The following MAP3K19 variants were observed in gnomAD, a reference collection of about 807,000 sequenced individuals.
MAP3K19 encodes mitogen-activated protein kinase kinase kinase 19, also known as SPS1/STE20-related protein kinase YSK4.
Under a neutral mutation model 114.4 loss-of-function variants are expected in MAP3K19, and 91 were observed. The ratio of observed to expected loss-of-function variants is 0.80; its 90% CI spans 0.67 to 0.95. The LOEUF is 0.95. MAP3K19 is among the 40% of genes least tolerant of loss of function. The pLI is 0.00. For missense variants in MAP3K19, 1,471 were observed against 1,573.2 expected (o/e 0.94, Z 1.10); for synonymous variants, 518 against 530.5 (o/e 0.98, Z 0.32).
intron 8 of MAP3K19, among the ~76,000 whole-genome samples, chr2:134,996,850 C>T (rs1199080412): frequency 1.3e-5 from 2 of 152,084 alleles, no homozygotes; most frequent in African/African-American, 4.8e-5. Flanking sequence ...GCCTGGGCAA[C>T]ATGGTGAAAC....
intron 8 of MAP3K19, among the ~76,000 whole-genome samples, chr2:134,992,162 C>G (rs1218702825): frequency 6.6e-6 from 1 of 152,218 alleles, no homozygotes; most frequent in Non-Finnish European, 1.5e-5. Flanking sequence ...GAGCAATACA[C>G]TAACTTCGGA....
At position 134,987,311 on chromosome 2, in the gene MAP3K19, G is replaced by A. The variant is rs764146279; in HGVS notation, c.1561C>T (p.Pro521Ser). The A allele has an allele frequency of 2.5e-6, 4 of 1,614,052 alleles. No individual in the cohort carries two copies. The highest frequency in any genetic ancestry group is 2.2e-5 in the South Asian group (2 of 91,070). ...TIHNNHSVNI[P>S]VHQENDKHKM... ...TGCTTGTCATTTTCTTGGTGTACAG[G>A]TATGTTGACACTATGGTTGTTATGA... The change falls in exon 10 of 13, where the codon CCT (proline) becomes TCT (serine). Residue 521 changes from proline (P) to serine (S), a missense_variant. Pro to Ser is a moderately conservative substitution (Grantham distance 74). Coordinates refer to ENST00000392915, the MANE Select transcript of MAP3K19 (RefSeq NM_025052.5).
chr2:135,021,649 A>T (rs908864695), intron 5 of MAP3K19, 66 bp downstream of exon 5: 3 of 843,712 alleles, frequency 3.6e-6, no homozygotes, highest in Non-Finnish European at 5.7e-6. Flanking sequence ...TGAAGTATTC[A>T]AGCAACACAA....
intron 3 of MAP3K19, among the ~76,000 whole-genome samples, chr2:135,027,917 T>C (rs1688296409): frequency 6.6e-6 from 1 of 152,198 alleles, no homozygotes; most frequent in African/African-American, 2.4e-5. Flanking sequence ...CCCTGACAGG[T>C]TGTATCAGGG....
chr2:135,000,080 G>T, intron 6 of MAP3K19, 65 bp from the exon 7 acceptor site: 1 of 1,076,128 alleles, frequency 9.3e-7, no homozygotes. Context: ...AGCGGGAGAC[G>T]TACTTTATTT....
chr2:135,026,687 C>G (rs1688265195), intron 3 of MAP3K19, among the ~76,000 whole-genome samples: 1 of 152,154 alleles, frequency 6.6e-6, no homozygotes, highest in South Asian at 2.1e-4. Flanking sequence ...CCTAAAAGAG[C>G]ATTTGACATA....
At chr2:135,015,186 C>T (rs909283329) in intron 5 of MAP3K19, among the ~76,000 whole-genome samples, 10 of 152,152 alleles carry the variant, frequency 6.6e-5, no homozygotes, top group Non-Finnish European at 1.5e-4. Context: ...TTCTTGTTGC[C>T]CTACATCCTT....
At chr2:134,970,733 G>A (rs2105148029) in intron 12 of MAP3K19, among the ~76,000 whole-genome samples, 1 of 151,962 alleles carries the variant, frequency 6.6e-6, no homozygotes, top group South Asian at 2.1e-4. Flanking sequence ...GAGTAGCTGG[G>A]ACTACAGGTG....
intron 12 of MAP3K19, 34 bp downstream of exon 12, chr2:134,980,787 A>T (rs1472802594): frequency 1.3e-6 from 2 of 1,584,782 alleles, no homozygotes; most frequent in South Asian, 2.2e-5. Context: ...ATCTCCGGGC[A>T]TTTATCTTCC....
At position 134,968,114 on chromosome 2, in the gene MAP3K19, G is replaced by T. The variant is rs186300487; in HGVS notation, c.3921-3198C>A. 0.036 allele frequency among the ~76,000 whole-genome samples: 5,449 copies of T among 152,114 alleles called. 487 individuals carry two copies. In the East Asian group the frequency reaches 0.4, roughly 11 times the overall value. On this transcript the variant is annotated intron_variant, in intron 12 of 12. Coordinates refer to ENST00000392915, the MANE Select transcript of MAP3K19 (RefSeq NM_025052.5). ...TGTTCAACAAAGCACATCTTGCACC[G>T]CCCCTAATCCATTTAACCCTGAGTG... is the stretch of plus-strand genomic sequence containing the variant.
chr2:135,015,190 C>T (rs942167663), intron 5 of MAP3K19, among the ~76,000 whole-genome samples: 7 of 152,238 alleles, frequency 4.6e-5, no homozygotes, highest in African/African-American at 1.7e-4. Context: ...TGTTGCCCTA[C>T]ATCCTTGTCA....
Position 134,973,665 on chromosome 2 carries a change from G to GTTTC in MAP3K19, c.3920+7152_3920+7155dup, listed in dbSNP as rs886813606. ...GGTTGGTTTGTTTGTTTGTTTGTTTGTTTCTTTCTTTCTTTCTCTCTTGTT... is the reference window on the plus strand; with the variant it reads ...GGTTGGTTTGTTTGTTTGTTTGTTTGTTTCTTTCTTTCTTTCTTTCTCTCTTGTT... On this transcript the variant is annotated intron_variant, in intron 12 of 12. Transcript: ENST00000392915. Among the ~76,000 whole-genome samples, 12 of 151,616 alleles carry GTTTC rather than the reference G, an allele frequency of 7.9e-5. No individual in the cohort carries two copies. The South Asian group carries it at 8.3e-4, about 11-fold the overall frequency.
chr2:134,991,496 G>A, intron 9 of MAP3K19, 41 bp downstream of exon 9: 1 of 1,537,432 alleles, frequency 6.5e-7, no homozygotes, highest in Non-Finnish European at 9.0e-7. Context: ...AGAGTTGTTT[G>A]GTTTTAATTC....
intron 11 of MAP3K19, chr2:134,983,181 T>C (rs773118617): frequency 1.9e-6 from 1 of 533,130 alleles, no homozygotes; most frequent in Admixed American, 1.9e-5. Context: ...TGTACCCACC[T>C]CTCTTCATCG....
intron 9 of MAP3K19, 145 bp downstream of exon 9, chr2:134,991,391 AT>A: frequency 1.4e-6 from 1 of 710,670 alleles, no homozygotes. Flanking sequence ...TTATGTGTGG[AT>A]TTTTGACTGT....
intron 5 of MAP3K19, among the ~76,000 whole-genome samples, chr2:135,014,418 G>C (rs1337112514): frequency 6.6e-6 from 1 of 152,000 alleles, no homozygotes; most frequent in East Asian, 1.9e-4. Context: ...TCAAACTCCT[G>C]GGCTCAAGTT....
chr2:135,017,554 G>A (rs116589686), intron 5 of MAP3K19, among the ~76,000 whole-genome samples: 2 of 152,262 alleles, frequency 1.3e-5, no homozygotes, highest in South Asian at 4.1e-4. Flanking sequence ...TAGTGATGTA[G>A]TTACACAGAG....
At chr2:135,013,221 G>C (rs1687354880) in intron 5 of MAP3K19, among the ~76,000 whole-genome samples, 1 of 151,798 alleles carries the variant, frequency 6.6e-6, no homozygotes, top group Non-Finnish European at 1.5e-5. Flanking sequence ...TCAGGAAGCT[G>C]AGGCAGAAGA....
chr2:134,996,483 C>T (rs974679960), intron 8 of MAP3K19, among the ~76,000 whole-genome samples: 10 of 152,082 alleles, frequency 6.6e-5, no homozygotes, highest in Non-Finnish European at 1.3e-4. Flanking sequence ...GACAATTATG[C>T]TTGATTAGTG....
Sources: allele counts gnomAD v4.1 joint callset (sites outside exome capture counted in the v4.1 genomes callset), GRCh38; gene constraint gnomAD v4.1.1; transcripts MANE v1.5; gene names NCBI Gene and HGNC (gene_info 2026-07-23, HGNC 2026-07-21).